The following QRICH2 variants were observed in gnomAD, a reference collection of about 807,000 sequenced individuals.
The protein encoded by QRICH2 is glutamine rich 2, also known as glutamine-rich protein 2.
Under a neutral mutation model 168.3 loss-of-function variants are expected in QRICH2, and 119 were observed. The ratio of observed to expected loss-of-function variants is 0.71; its 90% confidence interval spans 0.61 to 0.82. QRICH2 has a LOEUF of 0.82. QRICH2 is among the 40% of genes least tolerant of loss of function. QRICH2 has a pLI of 0.00. For synonymous variants in QRICH2, 894 were observed against 951.2 expected (o/e 0.94, Z 1.11); for missense variants, 2,241 against 2,491.6 (o/e 0.90, Z 2.14).
At position 76,279,225 on chromosome 17, in the gene QRICH2, C is replaced by G. The variant is rs1568105820; in HGVS notation, c.4815-83G>C. On this transcript the variant is annotated intron_variant, in intron 13 of 18. Coordinates refer to ENST00000680821, the MANE Select transcript of QRICH2 (RefSeq NM_001388453.1). ...AATCCACCTGCCTAAAGAACCTTCC[C>G]ACCCGCCCCCGGCCTGGAAGGGAGC... 13 of 1,354,854 alleles carry G rather than the reference C, an allele frequency of 9.6e-6. No individual in the cohort carries two copies. In the East Asian group the frequency reaches 3.2e-4, roughly 33 times the overall value. The allele number at this position is 1,354,854 out of a possible 1,614,324, so 83.9% of individuals were successfully genotyped here. A position where few individuals can be genotyped will look rare whatever the true frequency, so the allele number is the denominator to read the frequency against.
At chr17:76,278,888 C>G (rs552433123) in intron 14 of QRICH2, among the ~76,000 whole-genome samples, 153 bp downstream of exon 14, 1 of 152,250 alleles carries the variant, frequency 6.6e-6, no homozygotes, top group Admixed American at 6.5e-5. Flanking sequence ...CCCCCACTGT[C>G]CCATTCCAAG....
Position 76,277,223 on chromosome 17 carries a change from G to A in QRICH2, c.5205C>T (p.Ser1735=). 1 of 1,602,672 alleles carries A rather than the reference G, an allele frequency of 6.2e-7. No individual in the cohort carries two copies. The highest frequency in any genetic ancestry group is 8.5e-7 in the Non-Finnish European group (1 of 1,176,900). The change falls in exon 16 of 19, where the codon AGC becomes AGT. Residue 1735 remains serine, a synonymous_variant. Transcript: ENST00000680821. ...GGCCCCGGGGAAGGTGCTGCGGGCG[G>A]CTGCGGTGGTAGGGGTAGGTGAGGG... ...SHTLTYPYHR[S]RPQHLPRGLY...
rs1173348866 is a variant in QRICH2 at position 76,307,688 on chromosome 17, T to G, written c.311A>C (p.Lys104Thr). 5.5e-6 allele frequency: 8 copies of G among 1,448,682 alleles called. No individual in the cohort carries two copies. The highest frequency in any genetic ancestry group is 7.3e-6 in the Non-Finnish European group (8 of 1,099,818). The allele number at this position is 1,448,682 out of a possible 1,614,324, so 89.7% of individuals were successfully genotyped here. ...GTCCTCCACCTGGCCGCCCAGGTCC[T>G]TCACTTGGCTCTCCAGCGCTGACGA... ...APSSALESQV[K>T]DLGGQVEDLS... Residue 104 changes from lysine (K) to threonine (T), a missense_variant, in exon 1 of 19, where the codon AAG (lysine) becomes ACG (threonine). Physicochemically the swap from Lys to Thr is moderately conservative, Grantham distance 78. Transcript: ENST00000680821. This position sits in a 1 kb window ranked among gnomAD's most constrained non-coding sequence, Gnocchi z 5.3.
chr17:76,298,816 A>G (rs2070848410), intron 3 of QRICH2, among the ~76,000 whole-genome samples: 2 of 152,028 alleles, frequency 1.3e-5, no homozygotes, highest in African/African-American at 2.4e-5. Context: ...GGGCTTCACC[A>G]TATTGGTCAG....
In QRICH2 at chr17:76,292,601, C is replaced by A; in HGVS notation, c.2126G>T (p.Gly709Val). 1 of 1,614,142 alleles carries A rather than the reference C, an allele frequency of 6.2e-7. No individual in the cohort carries two copies. The highest frequency in any genetic ancestry group is 8.5e-7 in the Non-Finnish European group (1 of 1,179,998). Residue 709 changes from glycine (G) to valine (V), a missense_variant, in exon 4 of 19, where the codon GGT becomes GTT. Coordinates refer to ENST00000680821, the MANE Select transcript of QRICH2 (RefSeq NM_001388453.1). ...DVVQPGADQH[G>V]LVQSGADQSD... The stretch of plus-strand genomic sequence containing the variant: ...CTGATCTGCACCAGATTGTACCAAA[C>A]CATGCTGATCTGCACCAGGTTGCAC...
At chr17:76,290,610 C>A (rs1195243233) in intron 4 of QRICH2, among the ~76,000 whole-genome samples, 5 of 151,998 alleles carry the variant, frequency 3.3e-5, no homozygotes, top group African/African-American at 1.2e-4. Context: ...TGGTCTCGAA[C>A]TCGGCCTCAA....
intron 7 of QRICH2, among the ~76,000 whole-genome samples, chr17:76,283,269 C>T (rs892202528): frequency 2.0e-5 from 3 of 152,224 alleles, no homozygotes; most frequent in African/African-American, 7.2e-5. Flanking sequence ...TAACACTAAG[C>T]CGCAGCTATC....
rs1042352759 is a variant in QRICH2 at position 76,281,529 on chromosome 17, G to A, written c.4263+335C>T. ...AAATTGAGAAGGGGTTGGAAGACTC[G>A]CGTGCCAGGGAGTCAACATCTCCTA... On this transcript the variant is annotated intron_variant, in intron 8 of 18. Transcript: ENST00000680821. This position sits in a 1 kb window ranked among gnomAD's most constrained non-coding sequence, Gnocchi z 4.4. Among the ~76,000 whole-genome samples the A allele has an allele frequency of 6.6e-6, 1 of 152,180 alleles. No homozygotes were observed. Among genetic ancestry groups the A allele is most frequent in the African/African-American group, 2.4e-5 (1 of 41,432 alleles).
In QRICH2 at chr17:76,291,447, C is replaced by A; in HGVS notation, c.3280G>T (p.Ala1094Ser). The A allele has an allele frequency of 6.2e-7, 1 of 1,614,160 alleles. No homozygotes were observed. The highest frequency in any genetic ancestry group is 1.1e-5 in the South Asian group (1 of 91,084). Residue 1094 changes from alanine (A) to serine (S), a missense_variant, in exon 4 of 19, where the codon GCT becomes TCT. By Grantham distance (99) the Ala-to-Ser change is moderately conservative. Transcript: ENST00000680821. ...GEHDQVYPDA[A>S]QHGHAFSLFD... The stretch of plus-strand genomic sequence containing the variant: ...AGAGAGAAAGCATGGCCATGCTGAG[C>A]TGCATCTGGGTATACCTGGTCATGC...
chr17:76,293,165 T>A lies in QRICH2; in HGVS notation c.1562A>T (p.Asp521Val). 6.2e-7 allele frequency: 1 copy of A among 1,614,228 alleles called. No individual in the cohort carries two copies. The highest frequency in any genetic ancestry group is 2.2e-5 in the East Asian group (1 of 44,896). ...DQQGLTLPVV[D>V]QHGLVLPFTD... ...AAAAGGTAGAACCAGGCCATGTTGATCGACGACAGGCAATGTCAATCCTTG... is the reference window on the plus strand; with the variant it reads ...AAAAGGTAGAACCAGGCCATGTTGAACGACGACAGGCAATGTCAATCCTTG... The change falls in exon 4 of 19, where the codon GAT becomes GTT. Residue 521 changes from aspartate to valine, a missense_variant. Physicochemically the swap from Asp to Val is radical, Grantham distance 152 (BLOSUM62 -3). Around this residue, in one of 3 missense-constraint regions of QRICH2, gnomAD observed 2,047 missense variants for 2,303.8 expected, o/e 0.89. Transcript: ENST00000680821.
intron 5 of QRICH2, among the ~76,000 whole-genome samples, 172 bp downstream of exon 5, chr17:76,289,820 C>G (rs941242670): frequency 6.6e-6 from 1 of 151,936 alleles, no homozygotes; most frequent in African/African-American, 2.4e-5. Context: ...GGCATGGTGG[C>G]ACATGCCTGT....
intron 4 of QRICH2, among the ~76,000 whole-genome samples, chr17:76,290,392 T>G (rs543751466): frequency 1.3e-5 from 2 of 152,300 alleles, no homozygotes; most frequent in South Asian, 2.1e-4. Flanking sequence ...TTAAGTTTTG[T>G]TTTGTTTGAG....
At position 76,292,560 on chromosome 17, in the gene QRICH2, G is replaced by C; in HGVS notation, c.2167C>G (p.Pro723Ala). The change falls in exon 4 of 19, where the codon CCT becomes GCT. Residue 723 changes from proline (P) to alanine (A), a missense_variant. Physicochemically the swap from Pro to Ala is conservative, Grantham distance 27 (BLOSUM62 -1). Transcript: ENST00000680821. ...ACCAAACCATGCTGAACTGCACCAG[G>C]TTGAGCCAAATCACTCTGATCTGCA... ...SGADQSDLAQ[P>A]GAVQHGLVQP... 1 of 1,613,994 alleles carries C rather than the reference G, an allele frequency of 6.2e-7. No individual in the cohort carries two copies. Among genetic ancestry groups the C allele is most frequent in the Non-Finnish European group, 8.5e-7 (1 of 1,179,938 alleles).
chr17:76,290,874 G>T, intron 4 of QRICH2, 141 bp downstream of exon 4: 2 of 1,327,438 alleles, frequency 1.5e-6, no homozygotes, highest in Non-Finnish European at 2.0e-6. Context: ...GAAGGCTGTG[G>T]GACATGCTCT....
chr17:76,294,728 G>A (rs976764567), intron 3 of QRICH2, among the ~76,000 whole-genome samples: 22 of 150,178 alleles, frequency 1.5e-4, no homozygotes, highest in African/African-American at 4.9e-4. Flanking sequence ...CAGGAGAATC[G>A]CTTGAACCCG....
chr17:76,279,549 C>T (rs2070749066), intron 12 of QRICH2, 121 bp from the exon 13 acceptor site: 1 of 730,770 alleles, frequency 1.4e-6, no homozygotes, highest in Non-Finnish European at 2.3e-6. Context: ...TCCCTGCTCC[C>T]CAGGAATCCA....
Position 76,292,146 on chromosome 17 carries a change from A to G in QRICH2, c.2581T>C (p.Leu861=), listed in dbSNP as rs1429904184. The G allele has an allele frequency of 1.3e-6, 2 of 1,523,662 alleles. No homozygotes were observed. Among genetic ancestry groups the G allele is most frequent in the Non-Finnish European group, 1.8e-6 (2 of 1,120,216 alleles). The allele number at this position is 1,523,662 out of a possible 1,614,324, so 94.4% of individuals were successfully genotyped here. ...LVQPGADQRG[L]VQPGVDQRGL... Reference sequence around the variant, plus strand: ...CGCTGATCCACTCCAGGTTGGACCAAACCACGCTGATCTGCACCAGGTTGG... The same window carrying G: ...CGCTGATCCACTCCAGGTTGGACCAGACCACGCTGATCTGCACCAGGTTGG... Residue 861 remains leucine (L), a synonymous_variant, in exon 4 of 19, where the codon TTG becomes CTG. Transcript: ENST00000680821.
At chr17:76,294,728 G>C (rs976764567) in intron 3 of QRICH2, among the ~76,000 whole-genome samples, 1 of 150,178 alleles carries the variant, frequency 6.7e-6, no homozygotes, top group Admixed American at 6.7e-5. Context: ...CAGGAGAATC[G>C]CTTGAACCCG....
intron 3 of QRICH2, among the ~76,000 whole-genome samples, chr17:76,301,726 AG>A (rs1393870613): frequency 2.4e-5 from 1 of 42,450 alleles, no homozygotes; most frequent in Non-Finnish European, 3.8e-5. Context: ...TTTTTGAGAC[AG>A]GGTCTCACTC....
Sources: allele counts gnomAD v4.1 joint callset (sites outside exome capture counted in the v4.1 genomes callset), GRCh38; gene constraint gnomAD v4.1.1; regional missense constraint gnomAD v4.1.1; non-coding constraint Gnocchi (gnomAD v3.1); transcripts MANE v1.5; gene names NCBI Gene and HGNC (gene_info 2026-07-23, HGNC 2026-07-21).